CDKN2B-AS1: variants seen among roughly 807,000 people sequenced by gnomAD.
The protein encoded by CDKN2B-AS1 is CDKN2B and CDKN2A antisense cis and trans regulatory RNA 1.
At position 22,005,231 on chromosome 9, in the gene CDKN2B-AS1, A is replaced by C. The variant is rs1821113595; in HGVS notation, n.29+10070A>C. The C allele has an allele frequency of 8.6e-6, 2 of 232,542 alleles. No homozygotes were observed. The highest frequency in any genetic ancestry group is 1.7e-5 in the Non-Finnish European group (2 of 117,918). The allele number at this position is 232,542 out of a possible 1,614,324, so 14.4% of individuals were successfully genotyped here. ...TAGTCTGCCTGCGGAACCCGCGGGA[A>C]TCTCTCCTCAGTGTAGTAAGAGCAA... On this transcript the variant is annotated intron_variant and non_coding_transcript_variant, in intron 1 of 4. Coordinates refer to ENST00000650946, the Ensembl canonical transcript of CDKN2B-AS1. The surrounding 1 kb of genome is among the most constrained non-coding windows in gnomAD (Gnocchi z 4.9).
At chr9:22,095,104 G>A (rs1200656682) in intron 4 of CDKN2B-AS1, among the ~76,000 whole-genome samples, 1 of 144,910 alleles carries the variant, frequency 6.9e-6, no homozygotes, top group Non-Finnish European at 1.5e-5. Flanking sequence ...CTGGGTATCA[G>A]CAGCGGAGGC....
chr9:22,014,256 A>C (rs911838673), intron 1 of CDKN2B-AS1, among the ~76,000 whole-genome samples: 2 of 152,100 alleles, frequency 1.3e-5, no homozygotes, highest in Non-Finnish European at 2.9e-5. Context: ...TGCAACTCCC[A>C]GGCTCAAGTG....
rs542667957 is a variant in CDKN2B-AS1 at position 22,081,903 on chromosome 9, C to T, written n.438+25516C>T. Among the ~76,000 whole-genome samples the T allele has an allele frequency of 5.3e-5, 8 of 152,270 alleles. No homozygotes were observed. The East Asian group carries it at 7.7e-4, about 15-fold the overall frequency. The stretch of plus-strand genomic sequence containing the variant: ...GTTGTGTTCTACAAATGTATTTTCC[C>T]AGGAGTTTTTTTTACTCTGTCTCCT... On this transcript the variant is annotated intron_variant and non_coding_transcript_variant, in intron 4 of 4. Transcript: ENST00000650946.
At chr9:22,104,322 G>A (rs572866017) in intron 4 of CDKN2B-AS1, among the ~76,000 whole-genome samples, 1 of 152,326 alleles carries the variant, frequency 6.6e-6, no homozygotes, top group East Asian at 1.9e-4. Flanking sequence ...GAAACCTGTA[G>A]CTAGAGGCCA....
chr9:22,021,452 T>A (rs1280524191), intron 1 of CDKN2B-AS1, among the ~76,000 whole-genome samples: 1 of 152,190 alleles, frequency 6.6e-6, no homozygotes, highest in Non-Finnish European at 1.5e-5. Flanking sequence ...TTTTTTCTAG[T>A]TCTATGAAGA....
At chr9:22,097,983 T>G (rs935521004) in intron 4 of CDKN2B-AS1, among the ~76,000 whole-genome samples, 5 of 152,178 alleles carry the variant, frequency 3.3e-5, no homozygotes, top group Admixed American at 3.3e-4. Context: ...AGTTCAGAGT[T>G]GTGATGTGAA....
chr9:22,040,173 G>A (rs1822843027), intron 1 of CDKN2B-AS1, among the ~76,000 whole-genome samples: 1 of 151,994 alleles, frequency 6.6e-6, no homozygotes, highest in Non-Finnish European at 1.5e-5. Flanking sequence ...ACTTTGTACA[G>A]CAGTCCTAGC....
intron 1 of CDKN2B-AS1, among the ~76,000 whole-genome samples, chr9:22,045,438 A>T (rs921987761): frequency 5.3e-5 from 8 of 152,128 alleles, no homozygotes; most frequent in African/African-American, 1.9e-4. Flanking sequence ...GCACATCATC[A>T]CTATAACCCT....
intron 4 of CDKN2B-AS1, among the ~76,000 whole-genome samples, chr9:22,067,730 A>G (rs1331222206): frequency 6.6e-6 from 1 of 152,160 alleles, no homozygotes; most frequent in Non-Finnish European, 1.5e-5. Flanking sequence ...TTTTTTGAAA[A>G]CAATAATGTA....
chr9:22,110,960 T>G (rs1017732380), intron 4 of CDKN2B-AS1, among the ~76,000 whole-genome samples: 2 of 152,174 alleles, frequency 1.3e-5, no homozygotes, highest in African/African-American at 4.8e-5. Flanking sequence ...TTGATTAATC[T>G]ATGAACATTT....
chr9:22,089,066 G>A (rs1238766854), intron 4 of CDKN2B-AS1, among the ~76,000 whole-genome samples: 1 of 151,970 alleles, frequency 6.6e-6, no homozygotes, highest in Non-Finnish European at 1.5e-5. Context: ...AATTTATGAG[G>A]GTCCATGAGT....
intron 4 of CDKN2B-AS1, among the ~76,000 whole-genome samples, chr9:22,060,630 G>A (rs537345990): frequency 1.3e-5 from 2 of 152,224 alleles, no homozygotes; most frequent in African/African-American, 4.8e-5. Context: ...ATTCAGCAAA[G>A]CCCCACTCTA....
intron 4 of CDKN2B-AS1, chr9:22,066,193 T>A (rs1272968297): frequency 6.8e-6 from 1 of 147,474 alleles, no homozygotes; most frequent in Non-Finnish European, 1.5e-5. Context: ...TAGGTAAACA[T>A]TAGATTTTTA....
In CDKN2B-AS1 at chr9:22,029,589, A is replaced by G. The variant is rs1822382832; in HGVS notation, n.30-17162A>G. 5 of 746,852 alleles carry G rather than the reference A, an allele frequency of 6.7e-6. 1 individual carries two copies. The highest frequency in any genetic ancestry group is 1.3e-5 in the Non-Finnish European group (5 of 399,538). The allele number at this position is 746,852 out of a possible 1,614,324, so 46.3% of individuals were successfully genotyped here. A position where few individuals can be genotyped will look rare whatever the true frequency, so the allele number is the denominator to read the frequency against. ...GTATGTGCCACTGAGGCCCACACCT[A>G]TTGCTGTAAGTGCTGTTTGGGAAAC... On this transcript the variant is annotated intron_variant and non_coding_transcript_variant, in intron 1 of 4. Coordinates refer to ENST00000650946, the Ensembl canonical transcript of CDKN2B-AS1.
At chr9:22,091,769 C>G (rs1294396238) in intron 4 of CDKN2B-AS1, among the ~76,000 whole-genome samples, 1 of 152,150 alleles carries the variant, frequency 6.6e-6, no homozygotes, top group Non-Finnish European at 1.5e-5. Flanking sequence ...CATCTGCAAA[C>G]AGGGACAATT....
At chr9:22,059,569 A>T (rs543376872) in intron 4 of CDKN2B-AS1, among the ~76,000 whole-genome samples, 1 of 152,070 alleles carries the variant, frequency 6.6e-6, no homozygotes, top group African/African-American at 2.4e-5. Flanking sequence ...GCTTTTCCAG[A>T]TGAATAGTGT....
intron 1 of CDKN2B-AS1, chr9:22,046,231 T>C (rs1320756984): frequency 6.6e-6 from 1 of 152,174 alleles, no homozygotes; most frequent in Non-Finnish European, 1.5e-5. Flanking sequence ...TCTTAGGCAC[T>C]ATGCTAGGAA....
intron 4 of CDKN2B-AS1, among the ~76,000 whole-genome samples, chr9:22,075,446 G>A (rs1423931855): frequency 6.6e-6 from 1 of 152,186 alleles, no homozygotes; most frequent in Non-Finnish European, 1.5e-5. Context: ...ATGTAGGAAG[G>A]TTTCCTGTAA....
intron 1 of CDKN2B-AS1, among the ~76,000 whole-genome samples, chr9:22,045,284 C>G (rs1240875176): frequency 7.2e-5 from 11 of 151,886 alleles, no homozygotes; most frequent in Admixed American, 6.6e-4. Context: ...ATCAAAATAT[C>G]TAATCTAATG....
Sources: allele counts gnomAD v4.1 joint callset (sites outside exome capture counted in the v4.1 genomes callset), GRCh38; gene constraint gnomAD v4.1.1; non-coding constraint Gnocchi (gnomAD v3.1); transcripts MANE v1.5; gene names NCBI Gene and HGNC (gene_info 2026-07-23, HGNC 2026-07-21).